LINGO2: variants seen among roughly 807,000 people sequenced by gnomAD.
The protein encoded by LINGO2 is leucine rich repeat and Ig domain containing 2.
A neutral mutation model predicts 30.6 loss-of-function variants in LINGO2; 14 were observed. The ratio of observed to expected loss-of-function variants is 0.46; its 90% CI spans 0.30 to 0.72. The LOEUF is 0.72. LINGO2 is among the 30% of genes least tolerant of loss of function. The probability of loss-of-function intolerance (pLI) is 0.07; values close to 1 mark genes in which losing one functional copy is unlikely to be tolerated. For missense variants in LINGO2, 729 were observed against 751.7 expected, an observed-to-expected ratio of 0.97 and a Z score of 0.35; for synonymous variants, 317 against 288.5, an observed-to-expected ratio of 1.10 and a Z score of -1.00.
chr9:29,152,443 A>G, the LINGO2 span, among the ~76,000 whole-genome samples: 3 of 152,212 alleles, frequency 2.0e-5, no homozygotes, highest in Admixed American at 2.0e-4. Context: ...CATAAGGAAA[A>G]TATGTTACAT....
chr9:28,551,489 T>G (rs1357761754), intron 1 of LINGO2, among the ~76,000 whole-genome samples: 1 of 152,010 alleles, frequency 6.6e-6, no homozygotes, highest in Admixed American at 6.6e-5. Context: ...AAATTTCCAG[T>G]GTTCTAAAAT....
At chr9:28,981,909 T>G in the LINGO2 span, among the ~76,000 whole-genome samples, 1 of 152,058 alleles carries the variant, frequency 6.6e-6, no homozygotes, top group African/African-American at 2.4e-5. Context: ...TGGAATGAAA[T>G]TTGGAAACCC....
At chr9:29,103,283 C>T in the LINGO2 span, among the ~76,000 whole-genome samples, 1 of 141,948 alleles carries the variant, frequency 7.0e-6, no homozygotes, top group Admixed American at 7.5e-5. Context: ...TCTACAGCAG[C>T]TAGAAAACTT....
At chr9:28,753,803 C>CA in the LINGO2 span, among the ~76,000 whole-genome samples, 3 of 151,746 alleles carry the variant, frequency 2.0e-5, no homozygotes, top group Non-Finnish European at 4.4e-5. Context: ...TATACAGAGC[C>CA]AAGTGAGGAA....
chr9:29,057,641 G>T, the LINGO2 span, among the ~76,000 whole-genome samples: 1 of 152,052 alleles, frequency 6.6e-6, no homozygotes, highest in Admixed American at 6.6e-5. Context: ...AAAGAGAAGG[G>T]TGCTGTGCAG....
At chr9:28,736,142 G>A in the LINGO2 span, among the ~76,000 whole-genome samples, 546 of 152,290 alleles carry the variant, frequency 3.6e-3, 7 homozygotes, top group African/African-American at 0.012. Flanking sequence ...TCTTGGTTCT[G>A]TCAGGACATG....
chr9:28,530,243 C>T (rs551661504), intron 1 of LINGO2, among the ~76,000 whole-genome samples: 6 of 152,032 alleles, frequency 3.9e-5, no homozygotes, highest in African/African-American at 7.2e-5. Context: ...ATGATGACAA[C>T]GAAGATAATG....
chr9:28,993,437 A>G, the LINGO2 span, among the ~76,000 whole-genome samples: 7 of 152,354 alleles, frequency 4.6e-5, no homozygotes, highest in Non-Finnish European at 8.8e-5. Context: ...TACCAGAGGT[A>G]CAAGGAGGAA....
chr9:28,003,388 G>GATATAT (rs757911016), intron 5 of LINGO2, among the ~76,000 whole-genome samples: 4 of 140,590 alleles, frequency 2.8e-5, no homozygotes, highest in Admixed American at 7.1e-5. Flanking sequence ...GATAGATATA[G>GATATAT]AGAGAGAGAG....
the LINGO2 span, among the ~76,000 whole-genome samples, chr9:29,053,706 ATGT>A: frequency 3.9e-5 from 6 of 152,202 alleles, no homozygotes; most frequent in Non-Finnish European, 1.5e-5. Flanking sequence ...ACATGAATAA[ATGT>A]TGTGGTAAAA....
exon 6 of LINGO2, chr9:27,950,622 A>G (rs1378814415): frequency 5.9e-6 from 9 of 1,515,426 alleles, no homozygotes; most frequent in Non-Finnish European, 7.9e-6. Flanking sequence ...GATTAACACC[A>G]CAGCCAGACC....
chr9:28,178,502 A>C (rs1828810141), intron 4 of LINGO2, among the ~76,000 whole-genome samples: 2 of 152,174 alleles, frequency 1.3e-5, no homozygotes, highest in Admixed American at 6.6e-5. Context: ...TGGTTTTAGA[A>C]TGCTATAAGC....
the LINGO2 span, among the ~76,000 whole-genome samples, chr9:28,760,198 T>C: frequency 1.3e-5 from 2 of 152,058 alleles, no homozygotes; most frequent in Non-Finnish European, 1.5e-5. Flanking sequence ...AAGCAAACAT[T>C]TGAATAATTA....
At chr9:28,467,040 G>C (rs919596152) in intron 2 of LINGO2, among the ~76,000 whole-genome samples, 585 of 150,538 alleles carry the variant, frequency 3.9e-3, no homozygotes, top group African/African-American at 0.013. Flanking sequence ...TTTTTTGGGG[G>C]GGGGGGACGG....
chr9:28,277,188 T>A lies in LINGO2; in HGVS notation c.-87+18020A>T, dbSNP rs536132961. 5.6e-4 allele frequency among the ~76,000 whole-genome samples: 85 copies of A among 152,354 alleles called. 1 individual carries two copies. The South Asian group carries it at 0.017, about 30-fold the overall frequency. ...CTTGCATTGTGTCTCTGTGTCCTAC[T>A]TTGGTAATTCTGGCAATATATCAAA... On this transcript the variant is annotated intron_variant, in intron 4 of 5. Coordinates refer to ENST00000379992, the Ensembl canonical transcript of LINGO2.
At chr9:28,725,612 T>C in the LINGO2 span, among the ~76,000 whole-genome samples, 2 of 139,218 alleles carry the variant, frequency 1.4e-5, no homozygotes, top group Non-Finnish European at 3.2e-5. Flanking sequence ...CATCAAGACA[T>C]GAAAATAATA....
At chr9:28,274,851 T>C (rs767774176) in intron 4 of LINGO2, among the ~76,000 whole-genome samples, 13 of 152,194 alleles carry the variant, frequency 8.5e-5, no homozygotes, top group Non-Finnish European at 1.8e-4. Context: ...CAAAAGTAGC[T>C]ATGCCATTGG....
chr9:28,330,038 T>A (rs1029675033), intron 3 of LINGO2, among the ~76,000 whole-genome samples: 1 of 152,166 alleles, frequency 6.6e-6, no homozygotes, highest in Non-Finnish European at 1.5e-5. Flanking sequence ...TGTTTGGAGA[T>A]GAGGTCTTTA....
At chr9:29,141,231 T>G in the LINGO2 span, among the ~76,000 whole-genome samples, 2 of 151,970 alleles carry the variant, frequency 1.3e-5, no homozygotes, top group Non-Finnish European at 2.9e-5. Context: ...AACTATAAAA[T>G]ATTCTAATGG....
Sources: gnomAD v4.1 joint callset for allele counts (sites outside exome capture counted in the v4.1 genomes callset) on GRCh38, gnomAD v4.1.1 for gene constraint, MANE v1.5 for transcripts, NCBI Gene and HGNC (gene_info 2026-07-23, HGNC 2026-07-21) for gene names.